Variants in MXI1 observed in about 807,000 individuals in gnomAD.
MXI1 encodes max-interacting protein 1.
A neutral mutation model predicts 36.9 loss-of-function variants in MXI1; 18 were observed. The ratio of observed to expected loss-of-function variants is 0.49; its 90% CI spans 0.34 to 0.72. MXI1 has a LOEUF of 0.72. MXI1 is among the 30% of genes least tolerant of loss of function. The pLI, the probability that MXI1 is intolerant of heterozygous loss-of-function variation, is 0.01. For synonymous variants in MXI1, 160 were observed against 146.7 expected, an observed-to-expected ratio of 1.09 and a Z score of -0.65; for missense variants, 304 against 379.1, an observed-to-expected ratio of 0.80 and a Z score of 1.64.
intron 3 of MXI1, among the ~76,000 whole-genome samples, chr10:110,255,897 G>A (rs1856271741): frequency 6.6e-6 from 1 of 152,118 alleles, no homozygotes; most frequent in Non-Finnish European, 1.5e-5. Context: ...TGGAGAGCTT[G>A]CATTTCCTGA....
At chr10:110,247,835 G>C (rs6584982) in intron 3 of MXI1, among the ~76,000 whole-genome samples, 129,902 of 152,154 alleles carry the variant, frequency 0.85, 55,972 homozygotes, top group East Asian at 1. Context: ...CCCAGCAATC[G>C]CATTACTGGG....
intron 2 of MXI1, among the ~76,000 whole-genome samples, chr10:110,244,582 T>C (rs1855791464): frequency 6.6e-6 from 1 of 152,078 alleles, no homozygotes; most frequent in African/African-American, 2.4e-5. Context: ...GTATTACTTT[T>C]ATTAAAATAA....
At chr10:110,242,794 G>T (rs530645782) in intron 2 of MXI1, among the ~76,000 whole-genome samples, 130 of 151,892 alleles carry the variant, frequency 8.6e-4, no homozygotes, top group Non-Finnish European at 8.4e-4. Flanking sequence ...TGCACTGATG[G>T]CTGTCAGTGG....
intron 1 of MXI1, among the ~76,000 whole-genome samples, chr10:110,211,073 C>CT (rs33972208): frequency 0.012 from 1,607 of 131,290 alleles, 10 homozygotes; most frequent in Middle Eastern, 0.043. Flanking sequence ...TTGTGTACGT[C>CT]TTTTTTTTTT....
At position 110,225,872 on chromosome 10, in the gene MXI1, C is replaced by T. The variant is rs111629233; in HGVS notation, c.275-2317C>T. The T allele has an allele frequency of 3.5e-3, 1,380 of 391,396 alleles. 5 individuals are homozygous for T. The highest frequency in any genetic ancestry group is 6.5e-3 in the Middle Eastern group (5 of 764). 24.2% of individuals were successfully genotyped at this position (391,396 alleles called of 1,614,324 possible). ...CGCAGGCGCCCTGAAACGGCGTGTG[C>T]ACTACGATTCCCGGCAGCCGCGGGC... On this transcript the variant is annotated intron_variant, in intron 1 of 5. Transcript: ENST00000332674.
intron 2 of MXI1, among the ~76,000 whole-genome samples, chr10:110,238,203 T>C (rs749830312): frequency 6.6e-6 from 1 of 152,208 alleles, no homozygotes; most frequent in Non-Finnish European, 1.5e-5. Context: ...TGGTTGTCAA[T>C]TCCCAGTACT....
chr10:110,215,033 TTTTTTTTTTG>T (rs1348086722), intron 1 of MXI1, among the ~76,000 whole-genome samples: 4,187 of 86,774 alleles, frequency 0.048, 354 homozygotes, highest in African/African-American at 0.22. Flanking sequence ...CCACTTCAGT[TTTTTTTTTTG>T]TTTTTTTTTT....
At chr10:110,273,272 C>G (rs1196778465) in intron 3 of MXI1, among the ~76,000 whole-genome samples, 1 of 152,030 alleles carries the variant, frequency 6.6e-6, no homozygotes, top group African/African-American at 2.4e-5. Context: ...TGGTCTCGAT[C>G]TCCTGACCTC....
At chr10:110,261,429 A>ATTTTTTTT (rs754963291) in intron 3 of MXI1, among the ~76,000 whole-genome samples, 1 of 141,234 alleles carries the variant, frequency 7.1e-6, no homozygotes, top group Non-Finnish European at 1.6e-5. Context: ...TATTCAAACC[A>ATTTTTTTT]TTTTTTTTTT....
chr10:110,271,152 A>G (rs1360233178), intron 3 of MXI1, among the ~76,000 whole-genome samples: 1 of 151,906 alleles, frequency 6.6e-6, no homozygotes, highest in East Asian at 1.9e-4. Context: ...TGGTTACTCT[A>G]CATGTAGACA....
chr10:110,208,191 C>A (rs1243733189), intron 1 of MXI1, 109 bp downstream of exon 1: 2 of 1,179,674 alleles, frequency 1.7e-6, no homozygotes, highest in African/African-American at 1.6e-5. Flanking sequence ...CCAACATACA[C>A]ATCCAGCCCT....
At chr10:110,264,368 ATTT>A (rs112351250) in intron 3 of MXI1, among the ~76,000 whole-genome samples, 2 of 140,678 alleles carry the variant, frequency 1.4e-5, no homozygotes, top group Non-Finnish European at 3.1e-5. Context: ...TTAGTAATTG[ATTT>A]TTTTTTTTTT....
intron 2 of MXI1, among the ~76,000 whole-genome samples, chr10:110,244,135 T>A (rs1855771473): frequency 6.6e-6 from 1 of 152,104 alleles, no homozygotes; most frequent in African/African-American, 2.4e-5. Context: ...GCTTGTTCAA[T>A]AGAAGGTATC....
intron 3 of MXI1, among the ~76,000 whole-genome samples, chr10:110,251,264 C>T (rs973801178): frequency 6.6e-5 from 10 of 152,006 alleles, no homozygotes; most frequent in Non-Finnish European, 1.5e-4. Context: ...TGGATACAAA[C>T]ACAAAACAGT....
At chr10:110,259,181 A>G (rs1856419793) in intron 3 of MXI1, among the ~76,000 whole-genome samples, 1 of 152,130 alleles carries the variant, frequency 6.6e-6, no homozygotes, top group East Asian at 1.9e-4. Flanking sequence ...CAGAGTGCCT[A>G]ACTTAAGCTG....
chr10:110,234,893 A>T (rs1855402364), intron 2 of MXI1, among the ~76,000 whole-genome samples: 1 of 152,180 alleles, frequency 6.6e-6, no homozygotes. Context: ...TAACTTTAGA[A>T]TGTATAAGAT....
rs761292157 is a variant in MXI1 at position 110,279,285 on chromosome 10, A to G, written c.543A>G (p.Ala181=). 6.2e-7 allele frequency: 1 copy of G among 1,613,968 alleles called. No individual in the cohort carries two copies. The highest frequency in any genetic ancestry group is 8.5e-7 in the Non-Finnish European group (1 of 1,179,800). The part of the protein sequence containing the change: ...TTLGLLNKAK[A]HIKKLEEAER... ...TTGGTTTGCTCAACAAAGCCAAAGC[A>G]CACATCAAGGTGAGAATTTTTACTT... The change falls in exon 4 of 6, where the codon GCA becomes GCG. Residue 181 remains alanine (A), a synonymous_variant. Transcript: ENST00000332674.
At chr10:110,234,928 G>A (rs1385007619) in intron 2 of MXI1, among the ~76,000 whole-genome samples, 1 of 151,962 alleles carries the variant, frequency 6.6e-6, no homozygotes, top group African/African-American at 2.4e-5. Flanking sequence ...GCTGCTACCA[G>A]GTGAACTAGT....
Position 110,266,841 on chromosome 10 carries a change from T to A in MXI1, c.438-12339T>A, listed in dbSNP as rs568032373. The stretch of plus-strand genomic sequence containing the variant: ...CTGCTTTAGTGCATCAACCTGTGAT[T>A]ATTGATTTTTAAAAATTTTAACCCA... On this transcript the variant is annotated intron_variant, in intron 3 of 5. Transcript: ENST00000332674. 3.0e-4 allele frequency among the ~76,000 whole-genome samples: 45 copies of A among 152,334 alleles called. No individual in the cohort carries two copies. The South Asian group carries it at 9.1e-3, about 31-fold the overall frequency.
Sources: gnomAD v4.1 joint callset for allele counts (sites outside exome capture counted in the v4.1 genomes callset) on GRCh38, gnomAD v4.1.1 for gene constraint, MANE v1.5 for transcripts, NCBI Gene and HGNC (gene_info 2026-07-23, HGNC 2026-07-21) for gene names.